ZNF804B: variants seen among roughly 807,000 people sequenced by gnomAD.
The protein encoded by ZNF804B is zinc finger 804B.
Under a neutral mutation model 101.4 loss-of-function variants are expected in ZNF804B, and 80 were observed. The observed-to-expected ratio is 0.79, with a 90% confidence interval of 0.66 to 0.95. The LOEUF (loss-of-function observed/expected upper bound fraction) is 0.95. Among genes scored for constraint, ZNF804B ranks in the 40% least tolerant of loss-of-function variants. The probability of loss-of-function intolerance (pLI) is 0.00; values close to 1 mark genes in which losing one functional copy is unlikely to be tolerated. For missense variants in ZNF804B, 1,673 were observed against 1,561.9 expected, an observed-to-expected ratio of 1.07 and a Z score of -1.20; for synonymous variants, 622 against 558.8, an observed-to-expected ratio of 1.11 and a Z score of -1.59.
At chr7:89,226,641 GTCT>G (rs1203276846) in intron 2 of ZNF804B, among the ~76,000 whole-genome samples, 1 of 151,898 alleles carries the variant, frequency 6.6e-6, no homozygotes, top group Non-Finnish European at 1.5e-5. Flanking sequence ...ATACATAATA[GTCT>G]TCATATATTT....
intron 1 of ZNF804B, among the ~76,000 whole-genome samples, chr7:89,136,457 C>G (rs768536836): frequency 5.3e-5 from 8 of 152,064 alleles, no homozygotes; most frequent in African/African-American, 9.7e-5. Context: ...TCACTACTCT[C>G]TATGTCAAGA....
intron 1 of ZNF804B, among the ~76,000 whole-genome samples, chr7:89,215,883 C>CTAAATAAATAAATAAA (rs71102024): frequency 7.0e-6 from 1 of 143,100 alleles, no homozygotes; most frequent in Non-Finnish European, 1.5e-5. Context: ...GACTCCGTCT[C>CTAAATAAATAAATAAA]TAAATAAATA....
At chr7:89,013,780 C>A (rs1163578674) in intron 1 of ZNF804B, among the ~76,000 whole-genome samples, 1 of 152,072 alleles carries the variant, frequency 6.6e-6, no homozygotes, top group African/African-American at 2.4e-5. Context: ...TTTCTCCTAC[C>A]CTTTCCAGCC....
intron 2 of ZNF804B, among the ~76,000 whole-genome samples, chr7:89,263,015 G>A (rs1247655381): frequency 2.0e-5 from 3 of 152,146 alleles, no homozygotes; most frequent in Admixed American, 1.3e-4. Context: ...TTCATTCAGG[G>A]AGATGGGTGT....
chr7:89,037,798 T>C (rs910987444), intron 1 of ZNF804B, among the ~76,000 whole-genome samples: 3 of 152,102 alleles, frequency 2.0e-5, no homozygotes, highest in Admixed American at 6.6e-5. Flanking sequence ...TGACCAACTC[T>C]TCCCACTTCC....
At chr7:89,122,726 C>G (rs895145173) in intron 1 of ZNF804B, among the ~76,000 whole-genome samples, 1 of 152,050 alleles carries the variant, frequency 6.6e-6, no homozygotes, top group African/African-American at 2.4e-5. Context: ...GAGGACACAC[C>G]CCATCAATCA....
intron 1 of ZNF804B, among the ~76,000 whole-genome samples, chr7:89,029,743 C>T (rs1788802908): frequency 6.6e-6 from 1 of 152,092 alleles, no homozygotes; most frequent in African/African-American, 2.4e-5. Flanking sequence ...CAAAACACCT[C>T]AGTAACAGCT....
chr7:89,186,287 A>G (rs1277160823), intron 1 of ZNF804B, among the ~76,000 whole-genome samples: 1 of 152,132 alleles, frequency 6.6e-6, no homozygotes, highest in Non-Finnish European at 1.5e-5. Flanking sequence ...TTCCTATTCT[A>G]TCTAAAAAAA....
rs1050194706 is a variant in ZNF804B, at chr7:89,309,906, ACT to A, written c.250-17430_250-17429del. ...TGGTCACTTAATCAATGTCCATTCC[ACT>A]CTCTCTCCTCACGGACAAAACACAT... On this transcript the variant is annotated intron_variant, in intron 2 of 3. Transcript: ENST00000333190. Among the ~76,000 whole-genome samples, 6 of 150,566 alleles carry A rather than the reference ACT, an allele frequency of 4.0e-5. No individual in the cohort carries two copies. The East Asian group carries it at 5.9e-4, about 15-fold the overall frequency.
chr7:89,077,588 T>C (rs1214846851), intron 1 of ZNF804B, among the ~76,000 whole-genome samples: 2 of 152,152 alleles, frequency 1.3e-5, no homozygotes, highest in Admixed American at 1.3e-4. Context: ...TAGCACTTTA[T>C]GTTCTGCTCA....
intron 1 of ZNF804B, among the ~76,000 whole-genome samples, chr7:88,781,960 G>A (rs1042394169): frequency 6.6e-6 from 1 of 152,164 alleles, no homozygotes; most frequent in African/African-American, 2.4e-5. Context: ...AGGAAATTGG[G>A]AGCTGAGGTG....
At chr7:89,028,806 G>A (rs2040525) in intron 1 of ZNF804B, among the ~76,000 whole-genome samples, 1 of 151,852 alleles carries the variant, frequency 6.6e-6, no homozygotes, top group Admixed American at 6.6e-5. Flanking sequence ...TTGTTTTGTG[G>A]ATTAAATGAG....
intron 1 of ZNF804B, among the ~76,000 whole-genome samples, chr7:88,908,598 T>A (rs950122545): frequency 4.6e-5 from 7 of 151,838 alleles, no homozygotes; most frequent in African/African-American, 1.7e-4. Flanking sequence ...AGTGTTTTTT[T>A]AAAAAAATTG....
chr7:88,852,979 A>G (rs914454915), intron 1 of ZNF804B, among the ~76,000 whole-genome samples: 1 of 152,076 alleles, frequency 6.6e-6, no homozygotes, highest in Non-Finnish European at 1.5e-5. Flanking sequence ...CTCTCCTCCA[A>G]CCCATTTCTG....
chr7:89,269,188 C>T lies in ZNF804B; in HGVS notation c.249+50893C>T, dbSNP rs147623944. Among the ~76,000 whole-genome samples, 630 of 152,048 alleles carry T rather than the reference C, an allele frequency of 4.1e-3. 5 individuals carry two copies. The highest frequency in any genetic ancestry group is 0.014 in the African/African-American group (601 of 41,500). ...ATTAACTCGTCATTTACATTAGGTACATCTCCTAATACTATCCCTCCCCCT... is the reference window on the plus strand; with the variant it reads ...ATTAACTCGTCATTTACATTAGGTATATCTCCTAATACTATCCCTCCCCCT... On this transcript the variant is annotated intron_variant, in intron 2 of 3. Transcript: ENST00000333190.
intron 1 of ZNF804B, among the ~76,000 whole-genome samples, chr7:88,946,551 T>G (rs1341063001): frequency 1.4e-5 from 1 of 70,322 alleles, no homozygotes; most frequent in African/African-American, 7.1e-5. Context: ...GGGCTGAAAT[T>G]TTCTTTTTTT....
At chr7:88,782,377 C>T (rs1158004089) in intron 1 of ZNF804B, among the ~76,000 whole-genome samples, 3 of 151,836 alleles carry the variant, frequency 2.0e-5, no homozygotes, top group Non-Finnish European at 4.4e-5. Flanking sequence ...GATAGTTAAC[C>T]CCCTGGTTCT....
At chr7:89,284,847 A>G (rs1790157895) in intron 2 of ZNF804B, among the ~76,000 whole-genome samples, 1 of 152,196 alleles carries the variant, frequency 6.6e-6, no homozygotes, top group African/African-American at 2.4e-5. Context: ...TCAAGATATC[A>G]GGACAAATGG....
chr7:88,887,916 G>A (rs542714123), intron 1 of ZNF804B, among the ~76,000 whole-genome samples: 3 of 151,954 alleles, frequency 2.0e-5, no homozygotes, highest in Non-Finnish European at 4.4e-5. Flanking sequence ...ACACAGGAAT[G>A]TATATATATA....
Sources: gnomAD v4.1 joint callset for allele counts (sites outside exome capture counted in the v4.1 genomes callset) on GRCh38, gnomAD v4.1.1 for gene constraint, MANE v1.5 for transcripts, NCBI Gene and HGNC (gene_info 2026-07-23, HGNC 2026-07-21) for gene names.